Variants in LAMB4 observed in about 807,000 individuals in gnomAD.
LAMB4 encodes laminin subunit beta-4.
Under a neutral mutation model 199.2 loss-of-function variants are expected in LAMB4, and 196 were observed. The ratio of observed to expected loss-of-function variants is 0.98; its 90% confidence interval spans 0.88 to 1.11. The LOEUF (loss-of-function observed/expected upper bound fraction) is 1.11. LAMB4 is among the 50% of genes least tolerant of loss of function. LAMB4 has a pLI of 0.00. For synonymous variants in LAMB4, 744 were observed against 770.6 expected, an observed-to-expected ratio of 0.97 and a Z score of 0.57; for missense variants, 2,080 against 2,171.2, an observed-to-expected ratio of 0.96 and a Z score of 0.83.
intron 10 of LAMB4, among the ~76,000 whole-genome samples, 183 bp from the exon 11 acceptor site, chr7:108,098,765 C>T (rs1042757630): frequency 1.3e-5 from 2 of 152,190 alleles, no homozygotes; most frequent in African/African-American, 2.4e-5. Flanking sequence ...CCTTGGAAAA[C>T]GTTGAATAAA....
Position 108,039,470 on chromosome 7 carries a change from CTT to C in LAMB4, c.4472-1877_4472-1876del, listed in dbSNP as rs61668715. Among the ~76,000 whole-genome samples, 695 of 134,308 alleles carry C rather than the reference CTT, an allele frequency of 5.2e-3. 1 individual carries two copies. The highest frequency in any genetic ancestry group is 0.018 in the African/African-American group (648 of 35,684). 88.1% of individuals were successfully genotyped at this position (134,308 alleles called of 152,430 possible). ...TCTTTAAAGAAACAGTACTTTCTTT[CTT>C]TTTTTTTTTTTTTTGAGATGGTGTC... is the stretch of plus-strand genomic sequence containing the variant. On this transcript the variant is annotated intron_variant, in intron 29 of 33. Coordinates refer to ENST00000388781, the MANE Select transcript of LAMB4 (RefSeq NM_007356.3).
At chr7:108,116,983 G>T (rs1035871172) in intron 2 of LAMB4, among the ~76,000 whole-genome samples, 2 of 152,196 alleles carry the variant, frequency 1.3e-5, no homozygotes, top group African/African-American at 4.8e-5. Context: ...TCTATAGTGA[G>T]CTATAATGGT....
intron 30 of LAMB4, 133 bp from the exon 31 acceptor site, chr7:108,034,479 G>C: frequency 1.4e-6 from 1 of 707,102 alleles, no homozygotes; most frequent in Non-Finnish European, 2.3e-6. Context: ...TCTTAAACAA[G>C]AGAAAGTGCT....
rs144801408 is a variant in LAMB4 at position 108,039,557 on chromosome 7, C to T, written c.4472-1962G>A. ...GATCTCGGCTCACTGCAACCTCTGC[C>T]TCCTGGGTTCAAGTGATTCCCCTGT... is the stretch of plus-strand genomic sequence containing the variant. On this transcript the variant is annotated intron_variant, in intron 29 of 33. Transcript: ENST00000388781. Among the ~76,000 whole-genome samples the T allele has an allele frequency of 5.0e-3, 761 of 151,186 alleles. 2 individuals carry two copies. The highest frequency in any genetic ancestry group is 0.018 in the African/African-American group (728 of 41,074).
chr7:108,066,329 G>T, intron 20 of LAMB4, 40 bp downstream of exon 20: 1 of 1,456,320 alleles, frequency 6.9e-7, no homozygotes, highest in Non-Finnish European at 9.6e-7. Context: ...GGAACAAAGT[G>T]TTAAAGACCT....
At chr7:108,108,557 C>A (rs1438191259) in intron 5 of LAMB4, among the ~76,000 whole-genome samples, 1 of 152,060 alleles carries the variant, frequency 6.6e-6, no homozygotes, top group Admixed American at 6.5e-5. Context: ...AATCATCCCG[C>A]TAATTCTGTA....
At chr7:108,019,175 G>A (rs1013194679), downstream of LAMB4, among the ~76,000 whole-genome samples, 5 of 152,112 alleles carry the variant, frequency 3.3e-5, no homozygotes, top group Non-Finnish European at 5.9e-5. Context: ...TAAAATCAAT[G>A]TGTTGGCATA....
chr7:108,020,427 T>C (rs1364567872), downstream of LAMB4, among the ~76,000 whole-genome samples: 4 of 137,602 alleles, frequency 2.9e-5, no homozygotes, highest in Non-Finnish European at 6.0e-5. Flanking sequence ...GCCGAGATCG[T>C]GCCACTGCAC....
At chr7:108,086,898 G>A (rs901013575) in intron 14 of LAMB4, among the ~76,000 whole-genome samples, 3 of 152,098 alleles carry the variant, frequency 2.0e-5, no homozygotes, top group Admixed American at 2.0e-4. Context: ...AAACTCCCTA[G>A]GTAACATGCA....
At chr7:108,029,341 G>C (rs1190446768) in intron 32 of LAMB4, 145 bp from the exon 33 acceptor site, 8 of 521,962 alleles carry the variant, frequency 1.5e-5, no homozygotes, top group Non-Finnish European at 2.4e-5. Context: ...TGATATTTCC[G>C]GCAGAGTTTT....
At chr7:108,083,674 G>A (rs369018948) in intron 14 of LAMB4, among the ~76,000 whole-genome samples, 2 of 152,192 alleles carry the variant, frequency 1.3e-5, no homozygotes, top group Admixed American at 6.5e-5. Context: ...ATGGGCCAGC[G>A]TTCTTTGGGA....
At chr7:108,053,464 G>T (rs936083385) in intron 25 of LAMB4, among the ~76,000 whole-genome samples, 6 of 152,230 alleles carry the variant, frequency 3.9e-5, no homozygotes, top group African/African-American at 1.4e-4. Flanking sequence ...CCCACAGCGA[G>T]GCAATGGCAA....
intron 26 of LAMB4, among the ~76,000 whole-genome samples, chr7:108,051,639 A>G (rs1322399438): frequency 6.6e-6 from 1 of 152,196 alleles, no homozygotes; most frequent in Non-Finnish European, 1.5e-5. Flanking sequence ...AGTATGTTGC[A>G]TGACTCTCAT....
rs866217753 is a variant in LAMB4, at chr7:108,024,181, G to C, written c.5147-3C>G. On this transcript the variant is annotated splice_region_variant and splice_polypyrimidine_tract_variant and intron_variant, in intron 33 of 33. Coordinates refer to ENST00000388781, the MANE Select transcript of LAMB4 (RefSeq NM_007356.3). ...ATCTTGGATTTTCCTTTCTAAATCTGAAAGAAGAAAATGAAAGAAATGATA... is the reference window on the plus strand; with the variant it reads ...ATCTTGGATTTTCCTTTCTAAATCTCAAAGAAGAAAATGAAAGAAATGATA... 2 of 1,520,046 alleles carry C rather than the reference G, an allele frequency of 1.3e-6. No homozygotes were observed. The highest frequency in any genetic ancestry group is 3.5e-4 in the Middle Eastern group (2 of 5,748). The allele number at this position is 1,520,046 out of a possible 1,614,324, so 94.2% of individuals were successfully genotyped here.
At chr7:108,061,783 T>C (rs901574623) in intron 23 of LAMB4, among the ~76,000 whole-genome samples, 1 of 147,040 alleles carries the variant, frequency 6.8e-6, no homozygotes, top group Non-Finnish European at 1.5e-5. Context: ...TGTGTGTTGG[T>C]GGATGAGGAT....
chr7:108,070,964 C>T (rs552498290), intron 17 of LAMB4, among the ~76,000 whole-genome samples: 4 of 152,152 alleles, frequency 2.6e-5, no homozygotes, highest in Non-Finnish European at 5.9e-5. Context: ...TCCAGGCTCT[C>T]GAGTCTTACC....
chr7:108,021,337 C>T (rs1189999561), downstream of LAMB4, among the ~76,000 whole-genome samples: 1 of 152,118 alleles, frequency 6.6e-6, no homozygotes, highest in Non-Finnish European at 1.5e-5. Context: ...GTTGGTTTCC[C>T]TTGAAGACAA....
intron 29 of LAMB4, among the ~76,000 whole-genome samples, chr7:108,039,550 C>A (rs1373342218): frequency 6.7e-6 from 1 of 150,168 alleles, no homozygotes; most frequent in East Asian, 2.0e-4. Flanking sequence ...CTCACTGCAA[C>A]CTCTGCCTCC....
chr7:108,056,061 C>T (rs1410791669), intron 24 of LAMB4, 54 bp from the exon 25 acceptor site: 4 of 1,506,762 alleles, frequency 2.7e-6, no homozygotes, highest in Non-Finnish European at 3.6e-6. Context: ...TTGTTGATGA[C>T]TAACTCAAGA....
Sources: gnomAD v4.1 joint callset for allele counts (sites outside exome capture counted in the v4.1 genomes callset) on GRCh38, gnomAD v4.1.1 for gene constraint, MANE v1.5 for transcripts, NCBI Gene and HGNC (gene_info 2026-07-23, HGNC 2026-07-21) for gene names.